GLDC: variants seen among roughly 807,000 people sequenced by gnomAD.
The protein encoded by GLDC is glycine decarboxylase, also known as glycine dehydrogenase (decarboxylating), mitochondrial.
In GLDC, 104 loss-of-function variants were observed where a neutral mutation model predicts 121.3. That is an observed-to-expected ratio of 0.86 (90% CI 0.73 to 1.01). The LOEUF (loss-of-function observed/expected upper bound fraction) is 1.01. Among genes scored for constraint, GLDC ranks in the 50% least tolerant of loss-of-function variants. The pLI is 0.00. For missense variants in GLDC, 1,429 were observed against 1,306.6 expected (o/e 1.09, Z -1.44); for synonymous variants, 546 against 480.6 (o/e 1.14, Z -1.78).
Position 6,592,967 on chromosome 9 carries a change from G to C in GLDC, c.1285C>G (p.Leu429Val), listed in dbSNP as rs760051537. ...SEGLKRAGHQ[L>V]QHDLFFDTLK... Reference sequence around the variant, plus strand: ...GTATCAAAGAACAGGTCATGCTGGAGTTGATGCCCTGCTCGCTTGAGACCT... The same window carrying C: ...GTATCAAAGAACAGGTCATGCTGGACTTGATGCCCTGCTCGCTTGAGACCT... Residue 429 changes from leucine to valine, a missense_variant, in exon 10 of 25, where the codon CTC becomes GTC. By Grantham distance (32) the Leu-to-Val change is conservative. Coordinates refer to ENST00000321612, the MANE Select transcript of GLDC (RefSeq NM_000170.3). The C allele has an allele frequency of 6.2e-7, 1 of 1,610,494 alleles. No homozygotes were observed. The highest frequency in any genetic ancestry group is 1.1e-5 in the South Asian group (1 of 90,660).
At chr9:6,570,893 TA>T (rs1009572163) in intron 15 of GLDC, among the ~76,000 whole-genome samples, 6 of 151,870 alleles carry the variant, frequency 4.0e-5, no homozygotes, top group African/African-American at 1.4e-4. Flanking sequence ...GGTATGTTTT[TA>T]AAAAAAATAT....
intron 7 of GLDC, among the ~76,000 whole-genome samples, chr9:6,602,957 G>A (rs1167498926): frequency 6.6e-6 from 1 of 152,114 alleles, no homozygotes; most frequent in Non-Finnish European, 1.5e-5. Context: ...GCCGCGCATG[G>A]TGGCTCATGT....
At chr9:6,578,291 T>C (rs1390651427) in intron 15 of GLDC, among the ~76,000 whole-genome samples, 1 of 151,704 alleles carries the variant, frequency 6.6e-6, no homozygotes, top group Non-Finnish European at 1.5e-5. Context: ...GGCTAATTTT[T>C]TAATTTGTAC....
intron 19 of GLDC, among the ~76,000 whole-genome samples, 167 bp from the exon 20 acceptor site, chr9:6,553,676 T>A (rs901876933): frequency 6.6e-6 from 1 of 152,080 alleles, no homozygotes; most frequent in African/African-American, 2.4e-5. Context: ...GATCCTTCCT[T>A]CCTTCCTCCT....
intron 21 of GLDC, among the ~76,000 whole-genome samples, chr9:6,548,352 T>C (rs1817440249): frequency 7.8e-6 from 1 of 128,846 alleles, no homozygotes; most frequent in Non-Finnish European, 1.8e-5. Context: ...ACAAGCAGGA[T>C]ACATTTCACA....
At chr9:6,619,463 C>T (rs764014653) in intron 3 of GLDC, among the ~76,000 whole-genome samples, 16 of 152,152 alleles carry the variant, frequency 1.1e-4, no homozygotes, top group Non-Finnish European at 2.1e-4. Flanking sequence ...CGCAGTGGCT[C>T]ATGCCTGTAA....
At chr9:6,607,080 A>T (rs148355571) in intron 4 of GLDC, among the ~76,000 whole-genome samples, 126 of 151,672 alleles carry the variant, frequency 8.3e-4, no homozygotes, top group East Asian at 6.4e-3. Flanking sequence ...AAAAAAATTT[A>T]AAAAAAAATT....
In GLDC at chr9:6,564,629, C is replaced by G. The variant is rs1421521192; in HGVS notation, c.1926+725G>C. ...TCCGCCCCACAGCTCAGTACAAACTCTAGCATAGCACTGGCCATCAAAATG... is the reference window on the plus strand; with the variant it reads ...TCCGCCCCACAGCTCAGTACAAACTGTAGCATAGCACTGGCCATCAAAATG... On this transcript the variant is annotated intron_variant, in intron 16 of 24. Coordinates refer to ENST00000321612, the MANE Select transcript of GLDC (RefSeq NM_000170.3). 2.6e-5 allele frequency among the ~76,000 whole-genome samples: 4 copies of G among 152,344 alleles called. No individual in the cohort carries two copies. The East Asian group carries it at 7.7e-4, about 29-fold the overall frequency.
intron 16 of GLDC, 41 bp from the exon 17 acceptor site, chr9:6,558,725 A>G (rs1318360649): frequency 1.2e-6 from 2 of 1,611,784 alleles, no homozygotes; most frequent in Non-Finnish European, 8.5e-7. Flanking sequence ...CAAAATCATC[A>G]TCAGACTATG....
chr9:6,568,165 A>G (rs768126453), intron 15 of GLDC, among the ~76,000 whole-genome samples: 20 of 152,182 alleles, frequency 1.3e-4, no homozygotes, highest in South Asian at 4.1e-4. Flanking sequence ...ACTATATGCT[A>G]AAGACTTGAT....
chr9:6,577,375 T>G (rs1818084934), intron 15 of GLDC, among the ~76,000 whole-genome samples: 1 of 152,164 alleles, frequency 6.6e-6, no homozygotes, highest in Non-Finnish European at 1.5e-5. Flanking sequence ...GTGGTTATGT[T>G]TTGCCTCCAG....
At chr9:6,644,058 A>AAAAAAGAAAAAG (rs1563877182) in intron 2 of GLDC, among the ~76,000 whole-genome samples, 1 of 145,522 alleles carries the variant, frequency 6.9e-6, no homozygotes, top group African/African-American at 2.6e-5. Flanking sequence ...AAACGAAAAA[A>AAAAAAGAAAAAG]AAAAGAAAAG....
intron 15 of GLDC, among the ~76,000 whole-genome samples, chr9:6,582,652 AC>A (rs1161620999): frequency 3.3e-5 from 5 of 151,480 alleles, no homozygotes; most frequent in Admixed American, 3.3e-4. Context: ...ACACGGTGAA[AC>A]CCTGTCTCTA....
At chr9:6,621,024 G>A (rs566420856) in intron 2 of GLDC, among the ~76,000 whole-genome samples, 218 of 152,230 alleles carry the variant, frequency 1.4e-3, no homozygotes, top group African/African-American at 5.1e-3. Flanking sequence ...CAAAAAATTA[G>A]CCAGGCATGG....
At chr9:6,588,547 A>T in intron 13 of GLDC, 71 bp downstream of exon 13, 1 of 1,443,346 alleles carries the variant, frequency 6.9e-7, no homozygotes, top group South Asian at 1.1e-5. Context: ...CTCTTGGAGC[A>T]TATTAGGTAG....
chr9:6,602,585 T>A lies in GLDC; in HGVS notation c.1059-380A>T, dbSNP rs541705245. On this transcript the variant is annotated intron_variant, in intron 7 of 24. Coordinates refer to ENST00000321612, the MANE Select transcript of GLDC (RefSeq NM_000170.3). The stretch of plus-strand genomic sequence containing the variant: ...CCAGGCTGGTCTTGAACTCCTGGCC[T>A]CAGGTGATCCGCCTGCCTTGGCCTC... 5.4e-4 allele frequency among the ~76,000 whole-genome samples: 82 copies of A among 152,254 alleles called. 1 individual carries two copies. Among genetic ancestry groups the A allele is most frequent in the African/African-American group, 1.9e-3 (77 of 41,564 alleles).
At chr9:6,555,830 AC>A (rs1351576837) in intron 18 of GLDC, among the ~76,000 whole-genome samples, 1 of 151,936 alleles carries the variant, frequency 6.6e-6, no homozygotes, top group African/African-American at 2.4e-5. Context: ...AAAAGCAAAC[AC>A]CAATAAGAGT....
chr9:6,547,687 T>C (rs945538749), intron 21 of GLDC, among the ~76,000 whole-genome samples: 4 of 152,216 alleles, frequency 2.6e-5, no homozygotes, highest in Non-Finnish European at 5.9e-5. Context: ...CACGGCCACA[T>C]TGTAATAAAT....
At chr9:6,565,551 G>A (rs773017373) in intron 15 of GLDC, 122 bp from the exon 16 acceptor site, 3 of 771,252 alleles carry the variant, frequency 3.9e-6, no homozygotes, top group Non-Finnish European at 7.1e-6. Flanking sequence ...CTGTCCAGAC[G>A]CTGAGAGAAG....
Sources: allele counts gnomAD v4.1 joint callset (sites outside exome capture counted in the v4.1 genomes callset), GRCh38; gene constraint gnomAD v4.1.1; transcripts MANE v1.5; gene names NCBI Gene and HGNC (gene_info 2026-07-23, HGNC 2026-07-21).